RPTOR: variants seen among roughly 807,000 people sequenced by gnomAD.
RPTOR encodes regulatory-associated protein of mTOR.
RPTOR carries 21 observed loss-of-function variants against 169.9 expected under a neutral mutation model. The observed-to-expected ratio is 0.12, with a 90% confidence interval of 0.09 to 0.18. RPTOR has a LOEUF of 0.18. RPTOR is among the 10% of genes least tolerant of loss of function. RPTOR has a pLI of 1.00. For synonymous variants in RPTOR, 732 were observed against 753.2 expected (o/e 0.97, Z 0.46); for missense variants, 1,133 against 1,855.9 (o/e 0.61, Z 7.16).
At chr17:80,582,541 C>CTTT (rs5822359) in intron 1 of RPTOR, among the ~76,000 whole-genome samples, 2 of 86,824 alleles carry the variant, frequency 2.3e-5, no homozygotes, top group South Asian at 4.3e-4. Context: ...GACAAATGGG[C>CTTT]TTTTTTTTTT....
intron 3 of RPTOR, among the ~76,000 whole-genome samples, chr17:80,648,986 C>T (rs1007414337): frequency 1.3e-5 from 2 of 152,234 alleles, no homozygotes; most frequent in Admixed American, 1.3e-4. Flanking sequence ...CCTTCACAGC[C>T]ATGTGGAACT....
intron 13 of RPTOR, among the ~76,000 whole-genome samples, chr17:80,874,835 A>T (rs1322646718): frequency 6.6e-6 from 1 of 152,180 alleles, no homozygotes; most frequent in Admixed American, 6.5e-5. Flanking sequence ...AGGCTCACTC[A>T]GGAGCTGTGT....
chr17:80,662,896 G>A (rs1399662674), intron 3 of RPTOR, among the ~76,000 whole-genome samples: 1 of 152,134 alleles, frequency 6.6e-6, no homozygotes, highest in African/African-American at 2.4e-5. Flanking sequence ...AAGTTCAACT[G>A]CAAACTAAAT....
chr17:80,727,175 C>T (rs2066344344), intron 4 of RPTOR, among the ~76,000 whole-genome samples: 1 of 151,164 alleles, frequency 6.6e-6, no homozygotes, highest in Non-Finnish European at 1.5e-5. Flanking sequence ...AACTCTGCAC[C>T]TCTGACCACG....
intron 3 of RPTOR, among the ~76,000 whole-genome samples, chr17:80,673,072 G>A (rs1030340387): frequency 1.3e-5 from 2 of 152,024 alleles, no homozygotes; most frequent in African/African-American, 4.8e-5. Flanking sequence ...GATTATAGGC[G>A]TGTGCCACCA....
chr17:80,617,648 T>G (rs1013215246), intron 1 of RPTOR, among the ~76,000 whole-genome samples: 1 of 152,238 alleles, frequency 6.6e-6, no homozygotes, highest in Non-Finnish European at 1.5e-5. Context: ...TGACAAAGTA[T>G]TTTTATTTTC....
rs1252897059 is a variant in RPTOR at position 80,568,988 on chromosome 17, A to T, written c.162+23197A>T. On this transcript the variant is annotated intron_variant, in intron 1 of 33. Coordinates refer to ENST00000306801, the MANE Select transcript of RPTOR (RefSeq NM_020761.3). ...CCCTACCATGCTCTTAAGCCAACTC[A>T]TCCGATGTATTTCAAAATTTCAGAT... Among the ~76,000 whole-genome samples the T allele has an allele frequency of 2.0e-5, 3 of 152,156 alleles. No homozygotes were observed. In the East Asian group the frequency reaches 5.8e-4, roughly 29 times the overall value.
chr17:80,748,536 C>T (rs1280372448), intron 5 of RPTOR, among the ~76,000 whole-genome samples: 1 of 110,942 alleles, frequency 9.0e-6, no homozygotes, highest in East Asian at 2.7e-4. Context: ...GAGGCCATGG[C>T]GGGAGGACCT....
intron 7 of RPTOR, among the ~76,000 whole-genome samples, chr17:80,801,287 C>T (rs1417165633): frequency 1.3e-5 from 2 of 152,174 alleles, no homozygotes; most frequent in Non-Finnish European, 1.5e-5. Context: ...TGTAAGTCCT[C>T]CCTGGAGCCC....
chr17:80,638,850 C>T (rs1293610721), intron 2 of RPTOR, among the ~76,000 whole-genome samples: 1 of 152,198 alleles, frequency 6.6e-6, no homozygotes, highest in African/African-American at 2.4e-5. Context: ...AACACAGGAA[C>T]GTAATTTTGT....
At chr17:80,747,688 C>T (rs2066589309) in intron 5 of RPTOR, among the ~76,000 whole-genome samples, 1 of 152,196 alleles carries the variant, frequency 6.6e-6, no homozygotes, top group Non-Finnish European at 1.5e-5. Flanking sequence ...AACCCAGCAG[C>T]GTCTGGACCA....
chr17:80,720,731 C>A (rs2066278145), intron 4 of RPTOR, among the ~76,000 whole-genome samples: 1 of 152,224 alleles, frequency 6.6e-6, no homozygotes, highest in Admixed American at 6.5e-5. Flanking sequence ...CGCCCAGCAT[C>A]ACCTGCAGGC....
intron 20 of RPTOR, among the ~76,000 whole-genome samples, chr17:80,904,096 G>A (rs892494595): frequency 2.6e-5 from 4 of 152,224 alleles, no homozygotes; most frequent in East Asian, 3.8e-4. Context: ...GAGGTGCTGC[G>A]TCTTCCCTGT....
rs1249536637 is a variant in RPTOR at position 80,957,147 on chromosome 17, T to C, written c.3371-477T>C. 8.4e-4 allele frequency among the ~76,000 whole-genome samples: 76 copies of C among 90,446 alleles called. 1 individual carries two copies. Among genetic ancestry groups the C allele is most frequent in the African/African-American group, 2.8e-3 (53 of 18,978 alleles). 59.3% of individuals were successfully genotyped at this position (90,446 alleles called of 152,430 possible). A position where few individuals can be genotyped will look rare whatever the true frequency, so the allele number is the denominator to read the frequency against. ...CGGCCTGGACTTGGGAGTTCCAGCT[T>C]AGAATTGTCACCCCGGCCTGGACTT... On this transcript the variant is annotated intron_variant, in intron 28 of 33. Coordinates refer to ENST00000306801, the MANE Select transcript of RPTOR (RefSeq NM_020761.3). This position sits in a 1 kb window ranked among gnomAD's most constrained non-coding sequence, Gnocchi z 4.6.
chr17:80,643,284 A>G (rs1425596562), intron 2 of RPTOR, among the ~76,000 whole-genome samples: 1 of 152,166 alleles, frequency 6.6e-6, no homozygotes, highest in Non-Finnish European at 1.5e-5. Flanking sequence ...CTGAGTGCAG[A>G]TGAAAATTAA....
chr17:80,878,271 C>G lies in RPTOR; in HGVS notation c.1510-2144C>G, dbSNP rs566727206. Among the ~76,000 whole-genome samples, 79 of 152,322 alleles carry G rather than the reference C, an allele frequency of 5.2e-4. No individual in the cohort carries two copies. The highest frequency in any genetic ancestry group is 1.6e-3 in the African/African-American group (68 of 41,564). On this transcript the variant is annotated intron_variant, in intron 13 of 33. Coordinates refer to ENST00000306801, the MANE Select transcript of RPTOR (RefSeq NM_020761.3). The surrounding 1 kb of genome is among the most constrained non-coding windows in gnomAD (Gnocchi z 4.1). ...GGTCCCTCTCCAAGAAACACAGCAT[C>G]CATGATTTGTACATCGCACTGCAGT...
intron 10 of RPTOR, 149 bp from the exon 11 acceptor site, chr17:80,846,324 C>T (rs1046455501): frequency 2.0e-5 from 14 of 700,062 alleles, no homozygotes; most frequent in Non-Finnish European, 3.2e-5. Context: ...ATGCCCAGAG[C>T]GCCCGCTTCT....
At chr17:80,619,046 T>C (rs2065335448) in intron 1 of RPTOR, among the ~76,000 whole-genome samples, 1 of 152,158 alleles carries the variant, frequency 6.6e-6, no homozygotes, top group Non-Finnish European at 1.5e-5. Context: ...CTTTATAAAT[T>C]ATGCATTTGT....
At chr17:80,598,928 C>CTATCTATCT (rs1555593637) in intron 1 of RPTOR, among the ~76,000 whole-genome samples, 1 of 150,288 alleles carries the variant, frequency 6.7e-6, no homozygotes, top group African/African-American at 2.5e-5. Flanking sequence ...ATCTATCTAT[C>CTATCTATCT]TTTTTGAGAC....
Sources: allele counts gnomAD v4.1 joint callset (sites outside exome capture counted in the v4.1 genomes callset), GRCh38; gene constraint gnomAD v4.1.1; non-coding constraint Gnocchi (gnomAD v3.1); transcripts MANE v1.5; gene names NCBI Gene and HGNC (gene_info 2026-07-23, HGNC 2026-07-21).